The following LGR6 variants were observed in gnomAD, a reference collection of about 807,000 sequenced individuals.
LGR6 encodes the protein leucine-rich repeat-containing G protein-coupled receptor 6.
LGR6 carries 45 observed loss-of-function variants against 69.4 expected under a neutral mutation model. That is an observed-to-expected ratio of 0.65 (90% CI 0.51 to 0.83). LGR6 has a LOEUF of 0.83. Ranked by LOEUF, LGR6 falls within the 40% of genes least tolerant of loss-of-function variation. The pLI is 0.00. For missense variants in LGR6, 1,108 were observed against 1,246.7 expected, an observed-to-expected ratio of 0.89 and a Z score of 1.68; for synonymous variants, 538 against 555.0, an observed-to-expected ratio of 0.97 and a Z score of 0.43.
intron 6 of LGR6, among the ~76,000 whole-genome samples, chr1:202,293,310 T>G (rs1349842996): frequency 6.6e-6 from 1 of 152,218 alleles, no homozygotes; most frequent in East Asian, 1.9e-4. Context: ...CTCTCTCTTC[T>G]TGATCCATTC....
chr1:202,269,477 A>G (rs549183988), intron 4 of LGR6, among the ~76,000 whole-genome samples: 1 of 152,218 alleles, frequency 6.6e-6, no homozygotes, highest in Admixed American at 6.5e-5. Flanking sequence ...CTGGGGAGGG[A>G]AAGGGATACT....
Position 202,318,343 on chromosome 1 carries a change from C to G in LGR6, c.2040C>G (p.Ser680=). ...CCTGTGTCCGGGCCTATGGGAAGTC[C>G]CCCTCCCTGGGCAGCGTTCGAGCAG... is the stretch of plus-strand genomic sequence containing the variant. ...SVSCVRAYGK[S]PSLGSVRAGV... is the part of the protein sequence containing the mutation. Residue 680 remains serine (S), a synonymous_variant, in exon 18 of 18, where the codon TCC becomes TCG. Coordinates refer to ENST00000367278, the MANE Select transcript of LGR6 (RefSeq NM_001017403.2). The G allele has an allele frequency of 6.3e-7, 1 of 1,597,094 alleles. No individual in the cohort carries two copies. Among genetic ancestry groups the G allele is most frequent in the Non-Finnish European group, 8.5e-7 (1 of 1,171,582 alleles).
At chr1:202,224,753 T>C (rs2993435) in intron 1 of LGR6, among the ~76,000 whole-genome samples, 59,964 of 151,884 alleles carry the variant, frequency 0.39, 12,710 homozygotes, top group East Asian at 0.71. Context: ...CTCACCAGCC[T>C]GCTCACCTCC....
chr1:202,307,516 G>A, intron 14 of LGR6, 115 bp downstream of exon 14: 2 of 822,664 alleles, frequency 2.4e-6, no homozygotes, highest in Non-Finnish European at 4.1e-6. Flanking sequence ...CCAGGGAGAT[G>A]GGCCTCAGCC....
At chr1:202,210,050 G>C (rs950442140) in intron 1 of LGR6, among the ~76,000 whole-genome samples, 1 of 152,208 alleles carries the variant, frequency 6.6e-6, no homozygotes, top group African/African-American at 2.4e-5. Context: ...GAAGCCTGCT[G>C]CTCTGGTGGG....
intron 1 of LGR6, among the ~76,000 whole-genome samples, chr1:202,222,225 T>C (rs1660206679): frequency 6.6e-6 from 1 of 152,184 alleles, no homozygotes; most frequent in African/African-American, 2.4e-5. Context: ...CAGCCCTGAA[T>C]GGGGCTCCCT....
chr1:202,303,341 A>G lies in LGR6; in HGVS notation c.992A>G (p.Glu331Gly), dbSNP rs373990636. ...GATCTCAAAGGCACCACCAGCCTGG[A>G]GATCCTGTGAGTGGCTTCTCTCTCC... ...FPDLKGTTSLEILTLTRAGIR... is the reference protein window; with the variant it reads ...FPDLKGTTSLGILTLTRAGIR... The change falls in exon 10 of 18, where the codon GAG becomes GGG. Residue 331 changes from glutamate (E) to glycine (G), a missense_variant. Transcript: ENST00000367278. The G allele has an allele frequency of 2.5e-6, 4 of 1,613,140 alleles. No homozygotes were observed. The highest frequency in any genetic ancestry group is 3.4e-6 in the Non-Finnish European group (4 of 1,179,096).
At position 202,318,622 on chromosome 1, in the gene LGR6, G is replaced by A. The variant is rs140006191; in HGVS notation, c.2319G>A (p.Arg773=). 7 of 1,613,918 alleles carry A rather than the reference G, an allele frequency of 4.3e-6. No individual in the cohort carries two copies. The African/African-American group carries it at 8.0e-5, about 18-fold the overall frequency. ...CCGTGTGGGACTGCGCCATGGTGAG[G>A]CACGTGGCCTGGCTCATCTTCGCAG... ...FEAVWDCAMV[R]HVAWLIFADG... The change falls in exon 18 of 18, where the codon AGG becomes AGA. Residue 773 remains arginine (R), a synonymous_variant. Transcript: ENST00000367278.
intron 4 of LGR6, among the ~76,000 whole-genome samples, chr1:202,252,649 G>T (rs2148066275): frequency 6.6e-6 from 1 of 152,354 alleles, no homozygotes; most frequent in Non-Finnish European, 1.5e-5. Flanking sequence ...ACAGGGCACT[G>T]ACAATACATA....
chr1:202,280,867 C>G lies in LGR6; in HGVS notation c.716+15C>G. 1 of 1,608,210 alleles carries G rather than the reference C, an allele frequency of 6.2e-7. No homozygotes were observed. Among genetic ancestry groups the G allele is most frequent in the Non-Finnish European group, 8.5e-7 (1 of 1,175,898 alleles). On this transcript the variant is annotated intron_variant, in intron 6 of 17. Transcript: ENST00000367278. ...CTGGAGACACTGTGAGTTTTGAGGT[C>G]TTGGTCAAACTCTGTCCTGCCTGGT...
intron 7 of LGR6, chr1:202,298,756 G>C (rs1034219170): frequency 1.3e-5 from 2 of 151,890 alleles, no homozygotes; most frequent in African/African-American, 4.8e-5. Context: ...TCTTGACTTC[G>C]TGATCGGCCT....
intron 1 of LGR6, among the ~76,000 whole-genome samples, chr1:202,220,379 C>T (rs189567326): frequency 2.0e-5 from 3 of 151,552 alleles, no homozygotes; most frequent in Non-Finnish European, 2.9e-5. Flanking sequence ...TCACCAGGCC[C>T]GGCTAATTTT....
intron 16 of LGR6, among the ~76,000 whole-genome samples, chr1:202,314,595 T>C (rs1653998436): frequency 6.6e-6 from 1 of 152,204 alleles, no homozygotes; most frequent in African/African-American, 2.4e-5. Flanking sequence ...CTGTGCACTC[T>C]TCAGTGCAGA....
At chr1:202,217,767 G>A (rs552998757) in intron 1 of LGR6, among the ~76,000 whole-genome samples, 1 of 152,240 alleles carries the variant, frequency 6.6e-6, no homozygotes, top group Admixed American at 6.5e-5. Flanking sequence ...GGCAGTCTGG[G>A]AGACATTCCT....
intron 2 of LGR6, among the ~76,000 whole-genome samples, chr1:202,227,011 G>C (rs956125248): frequency 2.0e-5 from 3 of 152,126 alleles, no homozygotes; most frequent in African/African-American, 7.2e-5. Context: ...CGACCTGAGA[G>C]GTCTGGACCC....
In LGR6 at chr1:202,197,304, T is replaced by C. The variant is rs553121109; in HGVS notation, c.212+3103T>C. 5 of 474,532 alleles carry C rather than the reference T, an allele frequency of 1.1e-5. 1 individual carries two copies. The Middle Eastern group carries it at 1.4e-3, about 130-fold the overall frequency. The allele number at this position is 474,532 out of a possible 1,614,324, so 29.4% of individuals were successfully genotyped here. A position where few individuals can be genotyped will look rare whatever the true frequency, so the allele number is the denominator to read the frequency against. On this transcript the variant is annotated intron_variant, in intron 1 of 17. Transcript: ENST00000367278. Reference sequence around the variant, plus strand: ...GTCTTTATAGCCAACTGGTATTCTTTGCCTTGACACACATGTCCAAAAACT... The same window carrying C: ...GTCTTTATAGCCAACTGGTATTCTTCGCCTTGACACACATGTCCAAAAACT...
intron 1 of LGR6, chr1:202,214,145 A>G: frequency 6.7e-7 from 1 of 1,493,756 alleles, no homozygotes; most frequent in Non-Finnish European, 8.9e-7. Context: ...TCGAGGTCCC[A>G]GGGGCCGGAA....
At chr1:202,275,264 A>T (rs1316070490) in intron 4 of LGR6, among the ~76,000 whole-genome samples, 1 of 152,182 alleles carries the variant, frequency 6.6e-6, no homozygotes, top group Non-Finnish European at 1.5e-5. Context: ...AGGAAAGTCC[A>T]GCAATAGATC....
chr1:202,271,828 A>AAG (rs1369261344), intron 4 of LGR6, among the ~76,000 whole-genome samples: 1 of 150,954 alleles, frequency 6.6e-6, no homozygotes, highest in African/African-American at 2.4e-5. Flanking sequence ...AAAAAAAAAA[A>AAG]AGAGAGAGGG....
Sources: gnomAD v4.1 joint callset for allele counts (sites outside exome capture counted in the v4.1 genomes callset) on GRCh38, gnomAD v4.1.1 for gene constraint, MANE v1.5 for transcripts, NCBI Gene and HGNC (gene_info 2026-07-23, HGNC 2026-07-21) for gene names.